CNTNAP2: variants seen among roughly 807,000 people sequenced by gnomAD.
CNTNAP2 encodes contactin-associated protein-like 2.
In CNTNAP2, 98 loss-of-function variants were observed where a neutral mutation model predicts 155.2. The observed-to-expected ratio is 0.63, with a 90% CI of 0.54 to 0.75. The LOEUF (loss-of-function observed/expected upper bound fraction) is 0.75. Among genes scored for constraint, CNTNAP2 ranks in the 30% least tolerant of loss-of-function variants. The pLI is 0.00. For missense variants in CNTNAP2, 1,727 were observed against 1,688.1 expected (o/e 1.02, Z -0.40); for synonymous variants, 651 against 631.2 (o/e 1.03, Z -0.47).
intron 12 of CNTNAP2, among the ~76,000 whole-genome samples, chr7:147,622,043 G>T (rs1316608058): frequency 1.3e-5 from 2 of 151,852 alleles, no homozygotes; most frequent in Non-Finnish European, 2.9e-5. Context: ...CACAAAGAAG[G>T]TCACTATATA....
chr7:146,246,425 A>C (rs375225273), intron 1 of CNTNAP2, among the ~76,000 whole-genome samples: 2 of 150,368 alleles, frequency 1.3e-5, no homozygotes, highest in South Asian at 4.1e-4. Flanking sequence ...CTAAGTTGGC[A>C]TGAGAGTGGG....
intron 3 of CNTNAP2, among the ~76,000 whole-genome samples, chr7:146,907,276 T>C (rs2129215516): frequency 6.9e-6 from 1 of 145,286 alleles, no homozygotes. Context: ...CAGGCCAACG[T>C]TCAGATTCAG....
intron 1 of CNTNAP2, among the ~76,000 whole-genome samples, chr7:146,536,227 T>C (rs932261728): frequency 6.6e-6 from 1 of 152,126 alleles, no homozygotes; most frequent in African/African-American, 2.4e-5. Context: ...AATCTGTATC[T>C]TTCATTCTAA....
At chr7:148,251,318 C>T (rs1305577071) in intron 20 of CNTNAP2, among the ~76,000 whole-genome samples, 1 of 152,218 alleles carries the variant, frequency 6.6e-6, no homozygotes, top group Non-Finnish European at 1.5e-5. Flanking sequence ...ACAATCCAGA[C>T]CGGCCAAAGG....
intron 1 of CNTNAP2, among the ~76,000 whole-genome samples, chr7:146,369,770 T>A (rs1161441962): frequency 1.3e-5 from 2 of 152,160 alleles, no homozygotes; most frequent in Non-Finnish European, 2.9e-5. Flanking sequence ...TTGATGCCCC[T>A]ATCTTGTTAA....
chr7:148,064,559 A>T (rs1803217893), intron 15 of CNTNAP2, among the ~76,000 whole-genome samples: 1 of 151,970 alleles, frequency 6.6e-6, no homozygotes, highest in South Asian at 2.1e-4. Flanking sequence ...CTGATAAATG[A>T]ATTCAGCAAA....
intron 1 of CNTNAP2, among the ~76,000 whole-genome samples, chr7:146,292,170 A>G (rs1800439072): frequency 6.6e-6 from 1 of 152,190 alleles, no homozygotes. Context: ...AATCAAAACC[A>G]CAGTGGATAC....
intron 13 of CNTNAP2, among the ~76,000 whole-genome samples, chr7:147,870,553 G>A (rs1799308995): frequency 6.6e-6 from 1 of 152,158 alleles, no homozygotes; most frequent in Non-Finnish European, 1.5e-5. Flanking sequence ...CCACAGCTGA[G>A]ATCTCAACCC....
chr7:146,495,867 A>G (rs920380055), intron 1 of CNTNAP2, among the ~76,000 whole-genome samples: 2 of 152,186 alleles, frequency 1.3e-5, no homozygotes, highest in Non-Finnish European at 2.9e-5. Flanking sequence ...CTTCAAAGGT[A>G]GGCCTCAAAA....
In CNTNAP2 at chr7:146,634,627, C is replaced by T. The variant is rs1799568090; in HGVS notation, c.98-139644C>T. ...GAATATGTTAATGAGAGAGTTATCA[C>T]ATGCCAGTCATTAGACACTGAATAT... is the stretch of plus-strand genomic sequence containing the variant. On this transcript the variant is annotated intron_variant, in intron 1 of 23. Coordinates refer to ENST00000361727, the MANE Select transcript of CNTNAP2 (RefSeq NM_014141.6). Among the ~76,000 whole-genome samples, 3 of 152,138 alleles carry T rather than the reference C, an allele frequency of 2.0e-5. No individual in the cohort carries two copies. The South Asian group carries it at 6.2e-4, about 32-fold the overall frequency.
intron 10 of CNTNAP2, among the ~76,000 whole-genome samples, chr7:147,425,800 G>C (rs1300761131): frequency 2.0e-5 from 3 of 152,028 alleles, no homozygotes; most frequent in Admixed American, 2.0e-4. Flanking sequence ...CTATTGATTT[G>C]ATCATGTGTT....
chr7:146,877,890 G>A (rs571165770), intron 3 of CNTNAP2, among the ~76,000 whole-genome samples: 2 of 151,968 alleles, frequency 1.3e-5, no homozygotes, highest in African/African-American at 2.4e-5. Context: ...TCAAGTAATC[G>A]ACTTTCATAA....
rs386411606 is a variant in CNTNAP2 at position 147,950,364 on chromosome 7, C to CAAAAAAAAAAAA, written c.2256-27480_2256-27469dup. ...AGCTTAAGCTATACACATAGAGAGG[C>CAAAAAAAAAAAA]AAAAAAAAAAAAAAAAAAAAAAAAA... On this transcript the variant is annotated intron_variant, in intron 14 of 23. Coordinates refer to ENST00000361727, the MANE Select transcript of CNTNAP2 (RefSeq NM_014141.6). Among the ~76,000 whole-genome samples, 16 of 55,782 alleles carry CAAAAAAAAAAAA rather than the reference C, an allele frequency of 2.9e-4. 2 individuals are homozygous for CAAAAAAAAAAAA. Among genetic ancestry groups the CAAAAAAAAAAAA allele is most frequent in the African/African-American group, 6.9e-4 (7 of 10,156 alleles). The allele number at this position is 55,782 out of a possible 152,430, so 36.6% of individuals were successfully genotyped here.
chr7:147,172,852 C>G (rs1430904545), intron 8 of CNTNAP2, among the ~76,000 whole-genome samples: 1 of 152,126 alleles, frequency 6.6e-6, no homozygotes, highest in Non-Finnish European at 1.5e-5. Context: ...ACTACAAGGG[C>G]AGGTGAGATA....
intron 1 of CNTNAP2, among the ~76,000 whole-genome samples, chr7:146,153,259 A>C (rs1798077621): frequency 6.6e-6 from 1 of 152,162 alleles, no homozygotes; most frequent in Admixed American, 6.6e-5. Flanking sequence ...TATTAACAAA[A>C]CTAATTATCG....
intron 8 of CNTNAP2, among the ~76,000 whole-genome samples, chr7:147,214,923 A>G (rs868729997): frequency 6.6e-6 from 1 of 152,170 alleles, no homozygotes; most frequent in Admixed American, 6.5e-5. Flanking sequence ...GTGAGGGGGA[A>G]TCAAGCACCT....
intron 13 of CNTNAP2, among the ~76,000 whole-genome samples, chr7:147,670,646 A>G (rs1021046717): frequency 6.6e-6 from 1 of 152,210 alleles, no homozygotes; most frequent in East Asian, 1.9e-4. Flanking sequence ...AGAGATGGCC[A>G]GACGTCAGGG....
chr7:147,500,385 C>G (rs184999981), intron 11 of CNTNAP2, among the ~76,000 whole-genome samples: 3 of 152,050 alleles, frequency 2.0e-5, no homozygotes, highest in Admixed American at 2.0e-4. Flanking sequence ...CTAGATAGAT[C>G]CTAAATAAAA....
intron 1 of CNTNAP2, among the ~76,000 whole-genome samples, chr7:146,152,326 A>G (rs1293062622): frequency 6.6e-6 from 1 of 152,094 alleles, no homozygotes; most frequent in African/African-American, 2.4e-5. Flanking sequence ...GCTGTCATAG[A>G]AGTAATGAGC....
Sources: allele counts gnomAD v4.1 joint callset (sites outside exome capture counted in the v4.1 genomes callset), GRCh38; gene constraint gnomAD v4.1.1; transcripts MANE v1.5; gene names NCBI Gene and HGNC (gene_info 2026-07-23, HGNC 2026-07-21).